Variants in ABCB5 observed in about 807,000 individuals in gnomAD.
ABCB5 encodes ATP-binding cassette sub-family B member 5.
In ABCB5, 155 loss-of-function variants were observed where a neutral mutation model predicts 144.2. The ratio of observed to expected loss-of-function variants is 1.08; its 90% CI spans 0.94 to 1.23. The LOEUF is 1.23. ABCB5 is among the 50% of genes most tolerant of loss of function. The probability of loss-of-function intolerance (pLI) is 0.00; values close to 1 mark genes in which losing one functional copy is unlikely to be tolerated. For missense variants in ABCB5, 1,830 were observed against 1,520.8 expected, an observed-to-expected ratio of 1.20 and a Z score of -3.38; for synonymous variants, 610 against 528.6, an observed-to-expected ratio of 1.15 and a Z score of -2.11.
At chr7:20,707,801 C>CATTTT (rs1217679616) in intron 20 of ABCB5, among the ~76,000 whole-genome samples, 1 of 93,088 alleles carries the variant, frequency 1.1e-5, no homozygotes, top group Non-Finnish European at 2.0e-5. Flanking sequence ...AACCTCATTT[C>CATTTT]TTTTTTTTTT....
intron 3 of ABCB5, 82 bp downstream of exon 3, chr7:20,626,693 G>T: frequency 9.3e-7 from 1 of 1,077,936 alleles, no homozygotes; most frequent in South Asian, 2.2e-5. Flanking sequence ...GTGTTTATTA[G>T]ATTGCATCCA....
intron 25 of ABCB5, 38 bp downstream of exon 25, chr7:20,743,112 G>A: frequency 1.2e-6 from 2 of 1,600,480 alleles, no homozygotes; most frequent in South Asian, 2.2e-5. Flanking sequence ...CTGGGGGTTA[G>A]CAGTCCTATT....
intron 16 of ABCB5, among the ~76,000 whole-genome samples, chr7:20,694,856 A>G (rs1336302260): frequency 6.6e-6 from 1 of 152,078 alleles, no homozygotes; most frequent in Non-Finnish European, 1.5e-5. Flanking sequence ...TAGTACCAAA[A>G]TATTAAATTA....
rs767568928 is a variant in ABCB5 at position 20,628,758 on chromosome 7, C to A, written c.179C>A (p.Ala60Asp). 8 of 1,613,482 alleles carry A rather than the reference C, an allele frequency of 5.0e-6. No homozygotes were observed. The African/African-American group carries it at 1.1e-4, about 22-fold the overall frequency. The change falls in exon 4 of 28, where the codon GCC becomes GAC. Residue 60 changes from alanine (A) to aspartate (D), a missense_variant. Coordinates refer to ENST00000404938, the MANE Select transcript of ABCB5 (RefSeq NM_001163941.2). Reference protein sequence around the residue: ...LGILASLVNGACLPLMPLVLG... With the variant: ...LGILASLVNGDCLPLMPLVLG... ...ATACTGGCATCACTGGTCAATGGAGCCTGCCTTCCTTTAATGCCACTGGTT... is the reference window on the plus strand; with the variant it reads ...ATACTGGCATCACTGGTCAATGGAGACTGCCTTCCTTTAATGCCACTGGTT...
At chr7:20,649,105 G>A (rs1467256535) in intron 11 of ABCB5, among the ~76,000 whole-genome samples, 1 of 152,054 alleles carries the variant, frequency 6.6e-6, no homozygotes, top group African/African-American at 2.4e-5. Context: ...AAATTTTGGG[G>A]GGGTCCACCT....
intron 14 of ABCB5, chr7:20,659,186 G>C (rs1784914577): frequency 1.2e-6 from 2 of 1,611,032 alleles, no homozygotes; most frequent in Admixed American, 1.7e-5. Context: ...TGCTGCCTAT[G>C]AGCTACTGCA....
At chr7:20,753,564 T>C in intron 27 of ABCB5, 58 bp downstream of exon 27, 2 of 1,545,550 alleles carry the variant, frequency 1.3e-6, no homozygotes, top group South Asian at 1.2e-5. Flanking sequence ...TCCAATAACA[T>C]GGAGGAAACC....
chr7:20,678,174 CAT>C (rs1354752871), intron 14 of ABCB5, among the ~76,000 whole-genome samples: 1 of 152,040 alleles, frequency 6.6e-6, no homozygotes, highest in Non-Finnish European at 1.5e-5. Flanking sequence ...TTTTTTAAAA[CAT>C]AATTATAATA....
At chr7:20,738,911 T>C in intron 23 of ABCB5, 72 bp from the exon 24 acceptor site, 10 of 1,447,822 alleles carry the variant, frequency 6.9e-6, no homozygotes, top group Non-Finnish European at 9.2e-6. Context: ...TGCTTTTTTC[T>C]TTACTTTTAG....
intron 24 of ABCB5, among the ~76,000 whole-genome samples, chr7:20,741,058 A>C (rs1000870336): frequency 6.7e-6 from 1 of 150,046 alleles, no homozygotes; most frequent in African/African-American, 2.5e-5. Flanking sequence ...AGCCGAGATC[A>C]CACCACTGTA....
chr7:20,745,133 T>C, intron 25 of ABCB5, 99 bp from the exon 26 acceptor site: 1 of 1,240,224 alleles, frequency 8.1e-7, no homozygotes, highest in Non-Finnish European at 1.2e-6. Flanking sequence ...TGAATTCCTA[T>C]CCTTCTTGTT....
At chr7:20,630,594 T>C (rs1486150043) in intron 4 of ABCB5, among the ~76,000 whole-genome samples, 2 of 152,192 alleles carry the variant, frequency 1.3e-5, no homozygotes, top group Admixed American at 6.6e-5. Context: ...ATATTAATGA[T>C]GTAAATTGAT....
At chr7:20,694,518 G>C (rs1045388705) in intron 16 of ABCB5, among the ~76,000 whole-genome samples, 1 of 152,026 alleles carries the variant, frequency 6.6e-6, no homozygotes, top group Non-Finnish European at 1.5e-5. Context: ...ATACTAAATG[G>C]TGAAAGACTA....
intron 23 of ABCB5, among the ~76,000 whole-genome samples, chr7:20,731,385 T>TATAC (rs1554289445): frequency 6.8e-6 from 1 of 147,158 alleles, no homozygotes; most frequent in Non-Finnish European, 1.5e-5. Flanking sequence ...TATATATATA[T>TATAC]ACATATAAAA....
intron 13 of ABCB5, among the ~76,000 whole-genome samples, chr7:20,654,075 T>C (rs1784689974): frequency 6.6e-6 from 1 of 152,178 alleles, no homozygotes; most frequent in Admixed American, 6.5e-5. Context: ...TGCCAAGTTA[T>C]GTGGCTTTCT....
At chr7:20,728,659 C>T (rs1051822919) in intron 23 of ABCB5, among the ~76,000 whole-genome samples, 1 of 152,130 alleles carries the variant, frequency 6.6e-6, no homozygotes, top group Non-Finnish European at 1.5e-5. Flanking sequence ...GAGGCTGAGG[C>T]AGGAGAATCG....
At chr7:20,739,223 G>GC in intron 24 of ABCB5, 84 bp downstream of exon 24, 2 of 1,387,904 alleles carry the variant, frequency 1.4e-6, no homozygotes, top group East Asian at 2.6e-5. Flanking sequence ...AGGGAGAGAG[G>GC]GGCAAGGGCT....
At chr7:20,630,229 T>G (rs1278917902) in intron 4 of ABCB5, among the ~76,000 whole-genome samples, 2 of 152,204 alleles carry the variant, frequency 1.3e-5, no homozygotes, top group Non-Finnish European at 2.9e-5. Context: ...TTATAAATAC[T>G]TATTATAACT....
At chr7:20,685,234 TG>T (rs1436875672) in intron 15 of ABCB5, among the ~76,000 whole-genome samples, 2 of 152,160 alleles carry the variant, frequency 1.3e-5, no homozygotes, top group Non-Finnish European at 2.9e-5. Context: ...CAGTTCAGAA[TG>T]GGTAGCAGGG....
Sources: gnomAD v4.1 joint callset for allele counts (sites outside exome capture counted in the v4.1 genomes callset) on GRCh38, gnomAD v4.1.1 for gene constraint, MANE v1.5 for transcripts, NCBI Gene and HGNC (gene_info 2026-07-23, HGNC 2026-07-21) for gene names.